Variants in LRBA observed in about 807,000 individuals in gnomAD.
LRBA encodes lipopolysaccharide-responsive and beige-like anchor protein.
Under a neutral mutation model 330.0 loss-of-function variants are expected in LRBA, and 176 were observed. The ratio of observed to expected loss-of-function variants is 0.53; its 90% CI spans 0.47 to 0.60. LRBA has a LOEUF of 0.60. LRBA is among the 20% of genes least tolerant of loss of function. The probability of loss-of-function intolerance (pLI) is 0.00; values close to 1 mark genes in which losing one functional copy is unlikely to be tolerated. For synonymous variants in LRBA, 1,230 were observed against 1,193.0 expected (o/e 1.03, Z -0.64); for missense variants, 3,259 against 3,444.8 (o/e 0.95, Z 1.35).
intron 2 of LRBA, among the ~76,000 whole-genome samples, chr4:150,996,389 G>A (rs1742646972): frequency 6.6e-6 from 1 of 151,966 alleles, no homozygotes; most frequent in African/African-American, 2.4e-5. Flanking sequence ...GCCTAAAAAA[G>A]CCATGAACAA....
At chr4:150,640,406 C>T (rs1052645883) in intron 37 of LRBA, among the ~76,000 whole-genome samples, 5 of 151,914 alleles carry the variant, frequency 3.3e-5, no homozygotes, top group African/African-American at 9.7e-5. Flanking sequence ...TAGTTATGTT[C>T]GTACTTATGG....
chr4:150,498,504 G>T (rs1216609705), intron 40 of LRBA, among the ~76,000 whole-genome samples: 1 of 151,090 alleles, frequency 6.6e-6, no homozygotes, highest in Non-Finnish European at 1.5e-5. Flanking sequence ...ATTTTTTTTT[G>T]AAAGAAGGCA....
chr4:150,422,609 A>C, intron 46 of LRBA: 1 of 571,544 alleles, frequency 1.7e-6, no homozygotes, highest in South Asian at 1.9e-5. Flanking sequence ...CAGGTTCCCC[A>C]AGGGACAAGG....
intron 44 of LRBA, among the ~76,000 whole-genome samples, chr4:150,452,021 T>C (rs1753405503): frequency 6.6e-6 from 1 of 152,172 alleles, no homozygotes; most frequent in African/African-American, 2.4e-5. Context: ...ATAATAATTG[T>C]ATATCATCTT....
chr4:150,279,809 A>G (rs1747273640), intron 55 of LRBA, among the ~76,000 whole-genome samples: 2 of 152,206 alleles, frequency 1.3e-5, no homozygotes, highest in South Asian at 4.1e-4. Flanking sequence ...TCATTTCACA[A>G]ATGGCAATCT....
intron 37 of LRBA, among the ~76,000 whole-genome samples, chr4:150,666,686 T>G (rs1430670866): frequency 6.6e-6 from 1 of 152,170 alleles, no homozygotes; most frequent in East Asian, 1.9e-4. Flanking sequence ...ATCTGTGGAT[T>G]TTGGTATTCA....
chr4:150,793,297 C>T (rs6851019), intron 34 of LRBA, among the ~76,000 whole-genome samples: 146,571 of 152,178 alleles, frequency 0.96, 70,867 homozygotes, highest in African/African-American at 1. Flanking sequence ...AGCAAGACCC[C>T]GTCTTAAAAA....
intron 22 of LRBA, among the ~76,000 whole-genome samples, chr4:150,860,903 A>G (rs924228873): frequency 6.6e-6 from 1 of 152,156 alleles, no homozygotes; most frequent in Non-Finnish European, 1.5e-5. Context: ...ATGCATCATT[A>G]AGCAATTTCA....
At chr4:150,848,709 TA>T in intron 26 of LRBA, 108 bp downstream of exon 26, 22 of 837,004 alleles carry the variant, frequency 2.6e-5, no homozygotes, top group Non-Finnish European at 5.7e-6. Flanking sequence ...TATGACAAAT[TA>T]GCTAACATAT....
intron 2 of LRBA, among the ~76,000 whole-genome samples, chr4:150,952,652 C>A (rs551158289): frequency 9.2e-5 from 14 of 151,588 alleles, no homozygotes; most frequent in Admixed American, 8.5e-4. Context: ...TCTCTCTGTG[C>A]GTGGGGTGGG....
chr4:150,292,391 T>C (rs1462420084), intron 53 of LRBA, among the ~76,000 whole-genome samples: 1 of 152,238 alleles, frequency 6.6e-6, no homozygotes, highest in African/African-American at 2.4e-5. Context: ...TCAGATCACT[T>C]TGAAATGCAG....
intron 44 of LRBA, among the ~76,000 whole-genome samples, chr4:150,466,823 C>T (rs924572744): frequency 6.6e-6 from 1 of 152,070 alleles, no homozygotes; most frequent in Non-Finnish European, 1.5e-5. Context: ...TCAGTTTGAA[C>T]TCATAATGTA....
intron 40 of LRBA, among the ~76,000 whole-genome samples, chr4:150,507,850 G>A (rs946715096): frequency 4.6e-5 from 7 of 152,074 alleles, no homozygotes; most frequent in Non-Finnish European, 8.8e-5. Context: ...ACGACAGACT[G>A]GGTTAAGAAA....
At chr4:150,964,996 T>C (rs950150165) in intron 2 of LRBA, among the ~76,000 whole-genome samples, 2 of 152,162 alleles carry the variant, frequency 1.3e-5, no homozygotes, top group African/African-American at 4.8e-5. Context: ...GCTAATACTG[T>C]TGGAGATGCT....
intron 40 of LRBA, among the ~76,000 whole-genome samples, chr4:150,546,457 T>C (rs1394265804): frequency 1.3e-5 from 2 of 152,212 alleles, no homozygotes; most frequent in Non-Finnish European, 2.9e-5. Flanking sequence ...TTTACCATAA[T>C]ACGGATTAAA....
At chr4:150,873,436 C>T (rs543399604) in intron 17 of LRBA, among the ~76,000 whole-genome samples, 1 of 151,924 alleles carries the variant, frequency 6.6e-6, no homozygotes, top group Non-Finnish European at 1.5e-5. Flanking sequence ...ACTAAAAATA[C>T]AAAAATTAGC....
At chr4:150,589,367 G>C (rs1772535031) in intron 39 of LRBA, among the ~76,000 whole-genome samples, 2 of 152,136 alleles carry the variant, frequency 1.3e-5, no homozygotes, top group South Asian at 4.1e-4. Context: ...GCGGAGATCA[G>C]AGCAGGTTTT....
At chr4:150,492,552 CATCTATTTGTTCTCTCTTTT>C (rs1458309895) in intron 40 of LRBA, among the ~76,000 whole-genome samples, 1 of 152,094 alleles carries the variant, frequency 6.6e-6, no homozygotes, top group African/African-American at 2.4e-5. Flanking sequence ...TCTTCAGAGG[CATCTATTTGTTCTCTCTTTT>C]ATTCTTACCT....
chr4:150,784,318 T>G (rs1738706199), intron 34 of LRBA, among the ~76,000 whole-genome samples: 1 of 152,180 alleles, frequency 6.6e-6, no homozygotes. Flanking sequence ...AAACGTTTCT[T>G]GTAAAAGTCC....
Sources: allele counts gnomAD v4.1 joint callset (sites outside exome capture counted in the v4.1 genomes callset), GRCh38; gene constraint gnomAD v4.1.1; transcripts MANE v1.5; gene names NCBI Gene and HGNC (gene_info 2026-07-23, HGNC 2026-07-21).